The following NOL4L variants were observed in gnomAD, a reference collection of about 807,000 sequenced individuals.
NOL4L encodes nucleolar protein 4-like.
NOL4L carries 7 observed loss-of-function variants against 64.5 expected under a neutral mutation model. The ratio of observed to expected loss-of-function variants is 0.11; its 90% confidence interval spans 0.06 to 0.20. The LOEUF (loss-of-function observed/expected upper bound fraction) is 0.20. Among genes scored for constraint, NOL4L ranks in the 10% least tolerant of loss-of-function variants. The probability of loss-of-function intolerance (pLI) is 1.00; values close to 1 mark genes in which losing one functional copy is unlikely to be tolerated. For missense variants in NOL4L, 680 were observed against 967.1 expected, an observed-to-expected ratio of 0.70 and a Z score of 3.94; for synonymous variants, 413 against 401.0, an observed-to-expected ratio of 1.03 and a Z score of -0.36.
intron 1 of NOL4L, among the ~76,000 whole-genome samples, chr20:32,576,673 G>T (rs1404113559): frequency 6.6e-6 from 1 of 152,152 alleles, no homozygotes; most frequent in Non-Finnish European, 1.5e-5. Flanking sequence ...GAGAGGATGG[G>T]CCCAGCCTCC....
chr20:32,470,943 C>T (rs959712827), intron 5 of NOL4L, among the ~76,000 whole-genome samples: 1 of 152,214 alleles, frequency 6.6e-6, no homozygotes, highest in African/African-American at 2.4e-5. Context: ...AAGTTTCCTC[C>T]CCATGAGATG....
At position 32,447,584 on chromosome 20, in the gene NOL4L, G is replaced by A. The variant is rs770782194; in HGVS notation, c.*12C>T. The A allele has an allele frequency of 5.7e-6, 9 of 1,584,898 alleles. No homozygotes were observed. Among genetic ancestry groups the A allele is most frequent in the Non-Finnish European group, 7.7e-6 (9 of 1,169,858 alleles). ...CCTTCCCTAGGGCAGTGCGCTCCAG[G>A]TGCCGGTGGGGTCAGTTCTGCTGTA... On this transcript the variant is annotated 3_prime_UTR_variant, in exon 11 of 11. Coordinates refer to ENST00000621426, the MANE Select transcript of NOL4L (RefSeq NM_001256798.2).
chr20:32,574,946 C>T (rs933915093), intron 1 of NOL4L, among the ~76,000 whole-genome samples: 6 of 152,104 alleles, frequency 3.9e-5, no homozygotes, highest in Admixed American at 2.0e-4. Flanking sequence ...GGGTTGCCTG[C>T]GACCCTCTAG....
chr20:32,551,196 T>C (rs1026835898), intron 1 of NOL4L, among the ~76,000 whole-genome samples: 1 of 151,584 alleles, frequency 6.6e-6, no homozygotes, highest in African/African-American at 2.4e-5. Flanking sequence ...GCCAACATAG[T>C]GAAACCCCAT....
chr20:32,529,488 G>C (rs1450732677), intron 1 of NOL4L, among the ~76,000 whole-genome samples: 3 of 152,172 alleles, frequency 2.0e-5, no homozygotes, highest in African/African-American at 7.2e-5. Context: ...GTAGAATACA[G>C]GCCACACTGG....
chr20:32,576,263 G>A (rs777997169), intron 1 of NOL4L, among the ~76,000 whole-genome samples: 5 of 152,184 alleles, frequency 3.3e-5, no homozygotes, highest in Non-Finnish European at 7.3e-5. Flanking sequence ...AGGGGGCCCC[G>A]GGGAGAGGCA....
intron 4 of NOL4L, among the ~76,000 whole-genome samples, chr20:32,508,223 C>T (rs2017214466): frequency 6.6e-6 from 1 of 152,184 alleles, no homozygotes; most frequent in Admixed American, 6.5e-5. Context: ...ACCTGTCCTG[C>T]GGCTGTGTTT....
intron 2 of NOL4L, among the ~76,000 whole-genome samples, chr20:32,522,648 A>T (rs2017987038): frequency 6.6e-6 from 1 of 152,170 alleles, no homozygotes. Flanking sequence ...GTCTGGGGGC[A>T]CGTTCCTCTC....
rs1453002608 is a variant in NOL4L, at chr20:32,527,798, T to C, written c.437A>G (p.Lys146Arg). 1 of 1,550,302 alleles carries C rather than the reference T, an allele frequency of 6.5e-7. No homozygotes were observed. The change falls in exon 2 of 11, where the codon AAA becomes AGA. Residue 146 changes from lysine to arginine, a missense_variant. By Grantham distance (26) the Lys-to-Arg change is conservative. Transcript: ENST00000621426. ...MHVESSAEPG[K>R]APKHAGQKKT... The stretch of plus-strand genomic sequence containing the variant: ...CTTCTGCCCAGCGTGCTTGGGGGCT[T>C]TGCCTGGCTCCGCTGAGCTCTCCAC...
At position 32,585,223 on chromosome 20, in the gene NOL4L, G is replaced by A. The variant is rs868817594; in HGVS notation, c.-333C>T. On this transcript the variant is annotated 5_prime_UTR_variant, in exon 1 of 11. Coordinates refer to ENST00000621426, the MANE Select transcript of NOL4L (RefSeq NM_001256798.2). ...GCAGAGGGGGCGGGCCGCCCCGCGG[G>A]CGGCCGGGGGAGGCGGGAGGCGGGG... is the stretch of plus-strand genomic sequence containing the variant. 223 of 148,662 alleles carry A rather than the reference G, an allele frequency of 1.5e-3. 2 individuals carry two copies. The highest frequency in any genetic ancestry group is 2.1e-3 in the Non-Finnish European group (140 of 66,228). 9.2% of individuals were successfully genotyped at this position (148,662 alleles called of 1,614,324 possible). A position where few individuals can be genotyped will look rare whatever the true frequency, so the allele number is the denominator to read the frequency against.
intron 5 of NOL4L, among the ~76,000 whole-genome samples, chr20:32,474,374 A>G (rs532987030): frequency 6.6e-6 from 1 of 152,204 alleles, no homozygotes; most frequent in African/African-American, 2.4e-5. Context: ...TGCCAGTCCT[A>G]TGGGCTCTCT....
chr20:32,517,154 C>CA (rs1309752199), intron 3 of NOL4L, among the ~76,000 whole-genome samples: 1 of 152,214 alleles, frequency 6.6e-6, no homozygotes, highest in Non-Finnish European at 1.5e-5. Flanking sequence ...AGGTCCCCCC[C>CA]ACTCTGCTGG....
At chr20:32,485,199 A>G (rs541807661) in intron 4 of NOL4L, among the ~76,000 whole-genome samples, 3 of 152,208 alleles carry the variant, frequency 2.0e-5, no homozygotes, top group East Asian at 3.9e-4. Flanking sequence ...TCACGGTGGA[A>G]CCAGCAGAGA....
intron 1 of NOL4L, among the ~76,000 whole-genome samples, chr20:32,575,110 C>T (rs1345924487): frequency 1.3e-5 from 2 of 152,126 alleles, no homozygotes; most frequent in South Asian, 2.1e-4. Context: ...AGAATCTGAG[C>T]GTTCCTTCTA....
At chr20:32,478,273 A>ACACACACACACACACTCT (rs1373957221) in intron 4 of NOL4L, among the ~76,000 whole-genome samples, 11 of 143,332 alleles carry the variant, frequency 7.7e-5, no homozygotes, top group African/African-American at 2.6e-4. Flanking sequence ...ACACACACAC[A>ACACACACACACACACTCT]CTCTCTCTCT....
At chr20:32,576,645 A>C (rs922558057) in intron 1 of NOL4L, among the ~76,000 whole-genome samples, 1 of 152,100 alleles carries the variant, frequency 6.6e-6, no homozygotes, top group Non-Finnish European at 1.5e-5. Context: ...GTGCTCCGGG[A>C]TCCACAACCA....
At chr20:32,503,599 A>G (rs2017011387) in intron 4 of NOL4L, among the ~76,000 whole-genome samples, 1 of 152,264 alleles carries the variant, frequency 6.6e-6, no homozygotes, top group Non-Finnish European at 1.5e-5. Context: ...TCAGGAGCAG[A>G]CACAGATGCT....
intron 4 of NOL4L, among the ~76,000 whole-genome samples, chr20:32,476,198 G>GACACACACACAC (rs1167969757): frequency 7.0e-4 from 99 of 141,082 alleles, no homozygotes; most frequent in South Asian, 3.8e-3. Flanking sequence ...CACCCGGAGG[G>GACACACACACAC]ACACACACAC....
At chr20:32,482,945 G>T (rs1600723723) in intron 4 of NOL4L, among the ~76,000 whole-genome samples, 1 of 151,386 alleles carries the variant, frequency 6.6e-6, no homozygotes, top group African/African-American at 2.4e-5. Flanking sequence ...GCTGCACACC[G>T]AGCGGCCGTG....
Sources: gnomAD v4.1 joint callset for allele counts (sites outside exome capture counted in the v4.1 genomes callset) on GRCh38, gnomAD v4.1.1 for gene constraint, MANE v1.5 for transcripts, NCBI Gene and HGNC (gene_info 2026-07-23, HGNC 2026-07-21) for gene names.